The following AOAH variants were observed in gnomAD, a reference collection of about 807,000 sequenced individuals.
AOAH encodes the protein acyloxyacyl hydrolase.
AOAH carries 64 observed loss-of-function variants against 92.2 expected under a neutral mutation model. That is an observed-to-expected ratio of 0.69 (90% confidence interval 0.57 to 0.86). The LOEUF is 0.86. Among genes scored for constraint, AOAH ranks in the 40% least tolerant of loss-of-function variants. The probability of loss-of-function intolerance (pLI) is 0.00; values close to 1 mark genes in which losing one functional copy is unlikely to be tolerated. For synonymous variants in AOAH, 263 were observed against 254.5 expected, an observed-to-expected ratio of 1.03 and a Z score of -0.32; for missense variants, 656 against 694.6, an observed-to-expected ratio of 0.94 and a Z score of 0.62.
At chr7:36,623,371 C>G in intron 6 of AOAH, 121 bp from the exon 7 acceptor site, 1 of 835,022 alleles carries the variant, frequency 1.2e-6, no homozygotes, top group Non-Finnish European at 1.9e-6. Context: ...GAGGGCCATT[C>G]TAAACAGAAA....
At chr7:36,539,313 T>C (rs1156598701) in intron 16 of AOAH, among the ~76,000 whole-genome samples, 1 of 152,172 alleles carries the variant, frequency 6.6e-6, no homozygotes, top group African/African-American at 2.4e-5. Flanking sequence ...GGATAGTCCC[T>C]TCTTCATGAT....
intron 1 of AOAH, among the ~76,000 whole-genome samples, chr7:36,714,042 G>A (rs747294003): frequency 1.1e-4 from 17 of 152,058 alleles, no homozygotes; most frequent in Non-Finnish European, 2.1e-4. Context: ...CCTGGAGCTG[G>A]TTTTTTGAAA....
chr7:36,703,130 C>T (rs1421707182), intron 1 of AOAH, among the ~76,000 whole-genome samples: 1 of 152,102 alleles, frequency 6.6e-6, no homozygotes, highest in Non-Finnish European at 1.5e-5. Context: ...TTTCAGATTT[C>T]ACTTCTAATT....
chr7:36,684,193 G>C (rs1418431650), intron 2 of AOAH, among the ~76,000 whole-genome samples: 1 of 152,166 alleles, frequency 6.6e-6, no homozygotes, highest in African/African-American at 2.4e-5. Context: ...AACTATCGAA[G>C]GTTACTGAGG....
At chr7:36,714,168 A>G (rs1400520083) in intron 1 of AOAH, among the ~76,000 whole-genome samples, 2 of 152,228 alleles carry the variant, frequency 1.3e-5, no homozygotes, top group Non-Finnish European at 2.9e-5. Flanking sequence ...CCACAGAAAT[A>G]CAAACTACCA....
chr7:36,539,458 T>C (rs1276387842), intron 16 of AOAH, among the ~76,000 whole-genome samples: 1 of 152,242 alleles, frequency 6.6e-6, no homozygotes, highest in Admixed American at 6.5e-5. Flanking sequence ...GTGGCACTTA[T>C]CACCTTCTGA....
At chr7:36,517,917 ACACACACACACACC>A (rs200398712) in intron 20 of AOAH, among the ~76,000 whole-genome samples, 64,869 of 144,362 alleles carry the variant, frequency 0.45, 15,362 homozygotes, top group East Asian at 0.61. Flanking sequence ...TTATATCTGA[ACACACACACACACC>A]CACACACACA....
rs116009588 is a variant in AOAH at position 36,513,178 on chromosome 7, A to C, written c.*74T>G. 3.1e-6 allele frequency: 5 copies of C among 1,613,694 alleles called. No individual in the cohort carries two copies. The highest frequency in any genetic ancestry group is 2.2e-5 in the East Asian group (1 of 44,888). On this transcript the variant is annotated 3_prime_UTR_variant, in exon 21 of 21. Transcript: ENST00000617537. ...TTGGGCCTGTGACGTGGCAGCCCCCATAGGGTTTGTGGAATGAGTTTACCC... is the reference window on the plus strand; with the variant it reads ...TTGGGCCTGTGACGTGGCAGCCCCCCTAGGGTTTGTGGAATGAGTTTACCC...
chr7:36,680,862 C>T (rs904244083), intron 2 of AOAH, among the ~76,000 whole-genome samples: 15 of 152,282 alleles, frequency 9.9e-5, no homozygotes, highest in African/African-American at 3.6e-4. Context: ...GGTGAGATAC[C>T]GGTTTCCACT....
chr7:36,684,057 T>C (rs973639559), intron 2 of AOAH, among the ~76,000 whole-genome samples: 4 of 152,020 alleles, frequency 2.6e-5, no homozygotes, highest in African/African-American at 9.7e-5. Context: ...ATCTGGTTTG[T>C]GGTGTTGAAA....
chr7:36,514,648 T>C (rs1324061059), intron 20 of AOAH: 2 of 1,223,262 alleles, frequency 1.6e-6, no homozygotes, highest in South Asian at 1.3e-5. Context: ...AGACTCCAGA[T>C]GGCTCCATCT....
chr7:36,609,657 C>T (rs564467983), intron 11 of AOAH, among the ~76,000 whole-genome samples: 29 of 152,286 alleles, frequency 1.9e-4, no homozygotes, highest in African/African-American at 6.0e-4. Context: ...GTGTCTCTCC[C>T]TTCAGGCAGC....
At chr7:36,608,904 G>GGGT (rs1791199010) in intron 11 of AOAH, among the ~76,000 whole-genome samples, 1 of 145,844 alleles carries the variant, frequency 6.9e-6, no homozygotes, top group African/African-American at 2.6e-5. Flanking sequence ...AGCTGTTGCG[G>GGGT]CGGGGAGGGG....
chr7:36,520,474 G>A (rs1784051908), intron 20 of AOAH, among the ~76,000 whole-genome samples: 1 of 152,220 alleles, frequency 6.6e-6, no homozygotes, highest in South Asian at 2.1e-4. Context: ...GGGAGGCTGA[G>A]GCGGGCAGCT....
intron 1 of AOAH, among the ~76,000 whole-genome samples, chr7:36,709,044 G>T (rs535102140): frequency 6.6e-6 from 1 of 152,152 alleles, no homozygotes; most frequent in South Asian, 2.1e-4. Context: ...CACATGCATG[G>T]TTTCCCAATC....
At chr7:36,698,395 G>A (rs1452330844) in intron 1 of AOAH, among the ~76,000 whole-genome samples, 3 of 151,824 alleles carry the variant, frequency 2.0e-5, no homozygotes, top group Non-Finnish European at 4.4e-5. Flanking sequence ...TGGTTTCATC[G>A]ATTCTCTCTA....
chr7:36,554,914 A>G (rs1380790033), intron 13 of AOAH, among the ~76,000 whole-genome samples: 29 of 145,322 alleles, frequency 2.0e-4, no homozygotes, highest in African/African-American at 7.3e-4. Flanking sequence ...TAGATATACA[A>G]TCATGTCGTC....
chr7:36,547,658 C>T (rs1785899109), intron 15 of AOAH, among the ~76,000 whole-genome samples: 1 of 152,020 alleles, frequency 6.6e-6, no homozygotes, highest in South Asian at 2.1e-4. Context: ...GCTCTAAATC[C>T]TGTCTCACCA....
chr7:36,661,103 C>T (rs1795191355), intron 3 of AOAH: 1 of 152,224 alleles, frequency 6.6e-6, no homozygotes, highest in African/African-American at 2.4e-5. Flanking sequence ...GGGTTTCTTC[C>T]CAGCTCACAT....
Sources: allele counts gnomAD v4.1 joint callset (sites outside exome capture counted in the v4.1 genomes callset), GRCh38; gene constraint gnomAD v4.1.1; transcripts MANE v1.5; gene names NCBI Gene and HGNC (gene_info 2026-07-23, HGNC 2026-07-21).